Variants in WDHD1 observed in about 807,000 individuals in gnomAD.
The protein encoded by WDHD1 is WD repeat and HMG-box DNA binding protein 1.
In WDHD1, 111 loss-of-function variants were observed where a neutral mutation model predicts 135.4. The observed-to-expected ratio is 0.82, with a 90% CI of 0.70 to 0.96. The LOEUF (loss-of-function observed/expected upper bound fraction) is 0.96, where lower values mean the gene tolerates loss of function less well. WDHD1 is among the 40% of genes least tolerant of loss of function. WDHD1 has a pLI of 0.00. For missense variants in WDHD1, 1,351 were observed against 1,336.3 expected (o/e 1.01, Z -0.17); for synonymous variants, 434 against 439.0 (o/e 0.99, Z 0.14).
At chr14:54,998,723 C>T (rs1219951192) in intron 10 of WDHD1, among the ~76,000 whole-genome samples, 1 of 152,068 alleles carries the variant, frequency 6.6e-6, no homozygotes, top group Non-Finnish European at 1.5e-5. Context: ...CACAACCACC[C>T]CAACCGCCAT....
chr14:54,944,303 G>C (rs375836368), intron 25 of WDHD1, 29 bp downstream of exon 25: 2 of 1,598,220 alleles, frequency 1.3e-6, no homozygotes, highest in African/African-American at 2.7e-5. Context: ...AATTCACTAA[G>C]ATCTCAATCT....
At chr14:54,998,581 GT>G (rs1235251568) in intron 10 of WDHD1, among the ~76,000 whole-genome samples, 5 of 152,038 alleles carry the variant, frequency 3.3e-5, no homozygotes, top group Admixed American at 3.3e-4. Flanking sequence ...AGCTCTTTTA[GT>G]TGTTTCTTTG....
At chr14:54,941,729 G>C (rs750952369) in intron 25 of WDHD1, 39 bp from the exon 26 acceptor site, 7 of 1,526,732 alleles carry the variant, frequency 4.6e-6, no homozygotes, top group Non-Finnish European at 8.9e-7. Context: ...AAGATTTTTA[G>C]AAAATAACAA....
chr14:54,964,949 GA>G (rs932622384), intron 18 of WDHD1, among the ~76,000 whole-genome samples: 1 of 152,174 alleles, frequency 6.6e-6, no homozygotes, highest in African/African-American at 2.4e-5. Flanking sequence ...TTTATAAAAG[GA>G]ATAAAACTTT....
rs758881243 is a variant in WDHD1 at position 54,995,685 on chromosome 14, A to C, written c.1071T>G (p.Asp357Glu). 2.0e-5 allele frequency: 32 copies of C among 1,613,760 alleles called. No individual in the cohort carries two copies. The African/African-American group carries it at 3.9e-4, about 20-fold the overall frequency. ...PSFSKGIIND[D>E]EDDEDLMMAS... ...CCATCATGAGGTCTTCATCATCCTC[A>C]TCATCATTTATAATCCCTTTTGAAA... is the stretch of plus-strand genomic sequence containing the variant. The change falls in exon 11 of 26, where the codon GAT becomes GAG. Residue 357 changes from aspartate to glutamate, a missense_variant. By Grantham distance (45) the Asp-to-Glu change is conservative (BLOSUM62 2). Around this residue, in one of 2 missense-constraint regions of WDHD1, gnomAD observed 1,330 missense variants for 1,296.1 expected, o/e 1.03. Coordinates refer to ENST00000360586, the MANE Select transcript of WDHD1 (RefSeq NM_007086.4).
chr14:54,949,381 C>A lies in WDHD1; in HGVS notation c.3051-4911G>T, dbSNP rs190255994. Among the ~76,000 whole-genome samples, 131 of 152,138 alleles carry A rather than the reference C, an allele frequency of 8.6e-4. 2 individuals carry two copies. The East Asian group carries it at 0.014, about 17-fold the overall frequency. The stretch of plus-strand genomic sequence containing the variant: ...CACAAGCCTCAGTAGCCAATTCAAT[C>A]AACTGGAAGAAAGGGTATCAGTGAT... On this transcript the variant is annotated intron_variant, in intron 24 of 25. Transcript: ENST00000360586.
rs752939992 is a variant in WDHD1 at position 54,995,785 on chromosome 14, T to C, written c.971A>G (p.Asn324Ser). The C allele has an allele frequency of 6.2e-7, 1 of 1,607,074 alleles. No homozygotes were observed. Among genetic ancestry groups the C allele is most frequent in the Non-Finnish European group, 8.5e-7 (1 of 1,176,588 alleles). ...CATATCATCTCCATCAAAAAGATCA[T>C]TATAATCCTTTTCCACTCTGCTAGA... ...KVSSRVEKDY[N>S]DLFDGDDMSN... The change falls in exon 11 of 26, where the codon AAT (asparagine) becomes AGT (serine). Residue 324 changes from asparagine to serine, a missense_variant. Physicochemically the swap from Asn to Ser is conservative, Grantham distance 46. Transcript: ENST00000360586.
intron 16 of WDHD1, among the ~76,000 whole-genome samples, chr14:54,977,680 T>A (rs568251557): frequency 6.6e-6 from 1 of 152,228 alleles, no homozygotes; most frequent in East Asian, 1.9e-4. Context: ...TCTAAATAAA[T>A]AAATAAAAAG....
chr14:54,953,460 T>A lies in WDHD1; in HGVS notation c.3050+2101A>T, dbSNP rs147297724. Among the ~76,000 whole-genome samples the A allele has an allele frequency of 5.9e-5, 9 of 152,146 alleles. 1 individual carries two copies. In the East Asian group the frequency reaches 9.7e-4, roughly 16 times the overall value. On this transcript the variant is annotated intron_variant, in intron 24 of 25. Coordinates refer to ENST00000360586, the MANE Select transcript of WDHD1 (RefSeq NM_007086.4). ...CCAGTTAGAATGGCAATCATTAAAA[T>A]GTCAGGAAACAACAGGTGCTGGAGA...
intron 2 of WDHD1, among the ~76,000 whole-genome samples, chr14:55,024,547 A>T (rs143191961): frequency 7.8e-4 from 118 of 152,238 alleles, no homozygotes; most frequent in African/African-American, 2.8e-3. Flanking sequence ...ACTTACCCAA[A>T]CTTGTGGGGA....
intron 14 of WDHD1, among the ~76,000 whole-genome samples, chr14:54,986,568 G>T (rs909577938): frequency 3.3e-5 from 5 of 152,000 alleles, no homozygotes; most frequent in Non-Finnish European, 7.4e-5. Context: ...GAGAAAAAGG[G>T]GATACACTCC....
In WDHD1 at chr14:54,939,963, A is replaced by G. The variant is rs1289650539; in HGVS notation, c.*1527T>C. The G allele has an allele frequency of 6.6e-6, 1 of 152,240 alleles. No individual in the cohort carries two copies. The highest frequency in any genetic ancestry group is 1.5e-5 in the Non-Finnish European group (1 of 68,038). The allele number at this position is 152,240 out of a possible 1,614,324, so 9.4% of individuals were successfully genotyped here. ...TGTCTACAAACATGCTTTCCAATGT[A>G]CTATAAATAAACCTTTACTTAAGAT... On this transcript the variant is annotated 3_prime_UTR_variant, in exon 26 of 26. Transcript: ENST00000360586.
At chr14:55,017,268 G>A (rs1594593947) in intron 2 of WDHD1, among the ~76,000 whole-genome samples, 1 of 152,216 alleles carries the variant, frequency 6.6e-6, no homozygotes, top group East Asian at 1.9e-4. Context: ...CTTCTAAATG[G>A]TTTTATCCTT....
intron 24 of WDHD1, among the ~76,000 whole-genome samples, chr14:54,951,678 C>G (rs999628423): frequency 6.6e-6 from 1 of 152,182 alleles, no homozygotes; most frequent in African/African-American, 2.4e-5. Context: ...GATACCAAAG[C>G]CTGGCAGACA....
At chr14:54,994,621 C>T (rs139980908) in intron 11 of WDHD1, among the ~76,000 whole-genome samples, 6 of 152,010 alleles carry the variant, frequency 3.9e-5, no homozygotes, top group Non-Finnish European at 5.9e-5. Context: ...ATTAGCCAGG[C>T]GTGGTGGCGC....
intron 2 of WDHD1, among the ~76,000 whole-genome samples, chr14:55,025,195 G>C (rs1165572598): frequency 2.1e-5 from 3 of 145,938 alleles, no homozygotes; most frequent in East Asian, 2.1e-4. Context: ...ATATCTAAAA[G>C]CACAGCGCTT....
chr14:54,996,543 T>C (rs10142619), intron 10 of WDHD1, among the ~76,000 whole-genome samples: 6,699 of 152,208 alleles, frequency 0.044, 542 homozygotes, highest in African/African-American at 0.15. Context: ...AGGGCTGCAG[T>C]GAGCCATGAT....
chr14:54,983,362 A>C (rs1413486937), intron 15 of WDHD1, among the ~76,000 whole-genome samples: 2 of 151,900 alleles, frequency 1.3e-5, no homozygotes, highest in Middle Eastern at 3.4e-3. Flanking sequence ...GTATCTGAAC[A>C]ACAAAAAAAA....
chr14:54,962,845 T>C lies in WDHD1; in HGVS notation c.2540A>G (p.Asn847Ser), dbSNP rs770518463. The C allele has an allele frequency of 1.6e-5, 25 of 1,612,202 alleles. 1 individual carries two copies. Among genetic ancestry groups the C allele is most frequent in the East Asian group, 6.7e-5 (3 of 44,884 alleles). The stretch of plus-strand genomic sequence containing the variant: ...TGGTTGGCTCCACTCTGTAGCAGTA[T>C]TGCTGTAACTAAGAGAAAATAATAT... ...FRKKLNAGYS[N>S]TATEWSQPRF... The change falls in exon 20 of 26, where the codon AAT becomes AGT. Residue 847 changes from asparagine (N) to serine (S), a missense_variant. Transcript: ENST00000360586.
Sources: gnomAD v4.1 joint callset for allele counts (sites outside exome capture counted in the v4.1 genomes callset) on GRCh38, gnomAD v4.1.1 for gene constraint, gnomAD v4.1.1 regional missense constraint, MANE v1.5 for transcripts, NCBI Gene and HGNC (gene_info 2026-07-23, HGNC 2026-07-21) for gene names.